The following KAZN variants were observed in gnomAD, a reference collection of about 807,000 sequenced individuals.
KAZN encodes kazrin.
KAZN carries 40 observed loss-of-function variants against 87.4 expected under a neutral mutation model. The ratio of observed to expected loss-of-function variants is 0.46; its 90% CI spans 0.36 to 0.60. The LOEUF (loss-of-function observed/expected upper bound fraction) is 0.60, where lower values mean the gene tolerates loss of function less well. Ranked by LOEUF, KAZN falls within the 20% of genes least tolerant of loss-of-function variation. KAZN has a pLI of 0.00. For synonymous variants in KAZN, 466 were observed against 458.3 expected (o/e 1.02, Z -0.22); for missense variants, 898 against 1,073.9 (o/e 0.84, Z 2.29).
intron 1 of KAZN, among the ~76,000 whole-genome samples, chr1:14,896,873 G>A (rs567809294): frequency 6.6e-6 from 1 of 152,258 alleles, no homozygotes; most frequent in South Asian, 2.1e-4. Context: ...AGAGACCTGG[G>A]TTTAGATTCT....
intron 1 of KAZN, among the ~76,000 whole-genome samples, chr1:14,033,123 T>G (rs981370786): frequency 6.6e-6 from 1 of 152,208 alleles, no homozygotes; most frequent in Non-Finnish European, 1.5e-5. Flanking sequence ...CCACATTGTT[T>G]GGAATCCTTT....
chr1:14,563,837 T>G (rs987789530), intron 2 of KAZN, among the ~76,000 whole-genome samples: 2 of 148,584 alleles, frequency 1.3e-5, no homozygotes, highest in African/African-American at 4.9e-5. Context: ...CATGAGGCCT[T>G]TGGTGCCTGA....
At chr1:14,289,424 A>G (rs1653509540) in intron 2 of KAZN, among the ~76,000 whole-genome samples, 1 of 151,188 alleles carries the variant, frequency 6.6e-6, no homozygotes, top group South Asian at 2.1e-4. Context: ...GGATCCCTTT[A>G]CCTTTATGTA....
At chr1:14,221,798 A>G (rs995439209) in intron 2 of KAZN, 1 of 152,218 alleles carries the variant, frequency 6.6e-6, no homozygotes, top group Non-Finnish European at 1.5e-5. Context: ...CTTTTAAAAA[A>G]ATACCTCTTA....
intron 2 of KAZN, among the ~76,000 whole-genome samples, chr1:14,258,756 C>T (rs991754878): frequency 1.3e-5 from 2 of 152,176 alleles, no homozygotes; most frequent in Non-Finnish European, 2.9e-5. Flanking sequence ...GTCTGTCAAG[C>T]CTCTGTGCAA....
chr1:14,102,712 C>T (rs61775676), intron 1 of KAZN, among the ~76,000 whole-genome samples: 21,929 of 152,028 alleles, frequency 0.14, 2,143 homozygotes, highest in Middle Eastern at 0.26. Context: ...CTTATGGCTG[C>T]GGTGCTAGGG....
intron 2 of KAZN, among the ~76,000 whole-genome samples, chr1:14,254,322 C>T (rs1571151352): frequency 1.3e-5 from 2 of 152,210 alleles, no homozygotes; most frequent in South Asian, 4.1e-4. Flanking sequence ...TTTGCACCGA[C>T]ATCTGCAGAA....
chr1:13,998,162 G>A (rs367735414), intron 1 of KAZN, among the ~76,000 whole-genome samples: 38 of 152,220 alleles, frequency 2.5e-4, no homozygotes, highest in African/African-American at 8.9e-4. Context: ...CCTTTCCAGA[G>A]AAAAAGATGC....
rs1327949554 is a variant in KAZN at position 15,110,387 on chromosome 1, G to GTT, written c.2049-2039_2049-2038insTT. Among the ~76,000 whole-genome samples, 19 of 23,874 alleles carry GTT rather than the reference G, an allele frequency of 8.0e-4. No homozygotes were observed. The South Asian group carries it at 0.022, about 28-fold the overall frequency. 15.7% of individuals were successfully genotyped at this position (23,874 alleles called of 152,430 possible). A position where few individuals can be genotyped will look rare whatever the true frequency, so the allele number is the denominator to read the frequency against. ...GTGTGTATATGTAGTGTGTATTTGT[G>GTT]TGTTTGTGTGTGTCTGTGTATTTGT... is the stretch of plus-strand genomic sequence containing the variant. On this transcript the variant is annotated intron_variant, in intron 13 of 14. Coordinates refer to ENST00000376030, the MANE Select transcript of KAZN (RefSeq NM_201628.3).
intron 2 of KAZN, among the ~76,000 whole-genome samples, chr1:14,565,443 T>C (rs924609882): frequency 1.2e-4 from 18 of 152,244 alleles, no homozygotes; most frequent in Non-Finnish European, 1.8e-4. Flanking sequence ...TAGCAAACTG[T>C]AATCTTTTTG....
chr1:14,692,147 A>C, intron 1 of KAZN: 2 of 338,368 alleles, frequency 5.9e-6, no homozygotes, highest in Non-Finnish European at 5.6e-6. Flanking sequence ...GCTTCACCGA[A>C]TCTAGTACTA....
intron 1 of KAZN, among the ~76,000 whole-genome samples, chr1:14,960,328 A>C (rs1360016197): frequency 1.3e-5 from 2 of 152,184 alleles, no homozygotes; most frequent in Non-Finnish European, 2.9e-5. Context: ...TGGTGGCTTA[A>C]ATGAGATAAT....
At chr1:14,607,647 G>A (rs1175718954) in intron 1 of KAZN, among the ~76,000 whole-genome samples, 2 of 152,212 alleles carry the variant, frequency 1.3e-5, no homozygotes, top group African/African-American at 4.8e-5. Context: ...GGACTGCTTA[G>A]TGCTGAGCCA....
intron 2 of KAZN, among the ~76,000 whole-genome samples, chr1:14,359,933 G>A (rs184964466): frequency 1.2e-4 from 18 of 152,282 alleles, no homozygotes; most frequent in Non-Finnish European, 5.9e-5. Flanking sequence ...CTCTTCTCAA[G>A]GAGTATCTTT....
intron 1 of KAZN, among the ~76,000 whole-genome samples, chr1:13,989,620 G>A (rs1317681832): frequency 6.6e-6 from 1 of 152,126 alleles, no homozygotes; most frequent in Non-Finnish European, 1.5e-5. Context: ...TTTACTCTAT[G>A]TAGTATTCTA....
intron 1 of KAZN, among the ~76,000 whole-genome samples, chr1:14,108,771 G>A (rs1339736608): frequency 1.3e-5 from 2 of 152,122 alleles, no homozygotes; most frequent in Non-Finnish European, 2.9e-5. Flanking sequence ...ACTCCCCCAA[G>A]CATGCACGTC....
At chr1:14,948,092 G>A (rs1388264274) in intron 1 of KAZN, among the ~76,000 whole-genome samples, 1 of 152,174 alleles carries the variant, frequency 6.6e-6, no homozygotes, top group Admixed American at 6.5e-5. Context: ...GAAAGAATAA[G>A]GTAGCCTTCA....
intron 2 of KAZN, among the ~76,000 whole-genome samples, chr1:14,968,169 C>A (rs1208011219): frequency 6.6e-6 from 1 of 152,028 alleles, no homozygotes; most frequent in Non-Finnish European, 1.5e-5. Flanking sequence ...ATGGTCCCAT[C>A]TAGGGGTGAC....
chr1:14,522,914 C>A (rs187098436), intron 2 of KAZN, among the ~76,000 whole-genome samples: 2 of 152,200 alleles, frequency 1.3e-5, no homozygotes, highest in South Asian at 2.1e-4. Flanking sequence ...CTCATTGATT[C>A]TCTGGGTGCC....
Sources: gnomAD v4.1 joint callset for allele counts (sites outside exome capture counted in the v4.1 genomes callset) on GRCh38, gnomAD v4.1.1 for gene constraint, MANE v1.5 for transcripts, NCBI Gene and HGNC (gene_info 2026-07-23, HGNC 2026-07-21) for gene names.